Variants in GRB2 observed in about 807,000 individuals in gnomAD.
GRB2 encodes the protein growth factor receptor-bound protein 2.
GRB2 carries 2 observed loss-of-function variants against 27.4 expected under a neutral mutation model. The observed-to-expected ratio is 0.07, with a 90% CI of 0.03 to 0.23. The LOEUF is 0.23. Among genes scored for constraint, GRB2 ranks in the 10% least tolerant of loss-of-function variants. The pLI is 1.00. For missense variants in GRB2, 102 were observed against 282.4 expected (o/e 0.36, Z 4.58); for synonymous variants, 94 against 99.6 (o/e 0.94, Z 0.33).
intron 2 of GRB2, among the ~76,000 whole-genome samples, chr17:75,375,034 T>G (rs2078883182): frequency 6.6e-6 from 1 of 152,060 alleles, no homozygotes; most frequent in Non-Finnish European, 1.5e-5. Context: ...TAGCTGGGAC[T>G]GCAGATGTGT....
rs530052872 is a variant in GRB2, at chr17:75,361,483, C to T, written c.79-28686G>A. Among the ~76,000 whole-genome samples the T allele has an allele frequency of 4.6e-5, 7 of 152,274 alleles. No individual in the cohort carries two copies. In the East Asian group the frequency reaches 7.7e-4, roughly 17 times the overall value. On this transcript the variant is annotated intron_variant, in intron 2 of 5. Coordinates refer to ENST00000316804, the MANE Select transcript of GRB2 (RefSeq NM_002086.5). ...CTAAAAATGTCATCATAAATCCTAT[C>T]GTCTCCTTACCAACTAACTGCGTAA...
Position 75,399,960 on chromosome 17 carries a change from G to A in GRB2, c.-138+5529C>T, listed in dbSNP as rs1016753116. On this transcript the variant is annotated intron_variant, in intron 1 of 5. Coordinates refer to ENST00000316804, the MANE Select transcript of GRB2 (RefSeq NM_002086.5). ...GCTGGGATTACAGGCATGAGCCACCGTGCCCGGCCCTGACCGACAATTTTG... is the reference window on the plus strand; with the variant it reads ...GCTGGGATTACAGGCATGAGCCACCATGCCCGGCCCTGACCGACAATTTTG... Among the ~76,000 whole-genome samples, 10 of 151,658 alleles carry A rather than the reference G, an allele frequency of 6.6e-5. No individual in the cohort carries two copies. In the East Asian group the frequency reaches 1.6e-3, roughly 24 times the overall value.
intron 2 of GRB2, among the ~76,000 whole-genome samples, chr17:75,388,751 G>C (rs1369889505): frequency 6.6e-6 from 1 of 151,944 alleles, no homozygotes; most frequent in Non-Finnish European, 1.5e-5. Context: ...TTTTTATTTA[G>C]ATTAGGTAAT....
At chr17:75,400,530 A>G (rs1695437569) in intron 1 of GRB2, among the ~76,000 whole-genome samples, 1 of 151,888 alleles carries the variant, frequency 6.6e-6, no homozygotes, top group Admixed American at 6.6e-5. Flanking sequence ...GCTGGAATGC[A>G]GTGGTGTGAT....
chr17:75,334,407 G>T (rs2078562736), intron 2 of GRB2, among the ~76,000 whole-genome samples: 1 of 151,994 alleles, frequency 6.6e-6, no homozygotes, highest in South Asian at 2.1e-4. Flanking sequence ...TCCTGACCTT[G>T]TGATCCACCC....
At chr17:75,383,821 C>T (rs901197583) in intron 2 of GRB2, among the ~76,000 whole-genome samples, 2 of 152,168 alleles carry the variant, frequency 1.3e-5, no homozygotes, top group Admixed American at 6.5e-5. Context: ...CACTGCACTA[C>T]AGCCTGGGTG....
chr17:75,346,675 CG>C (rs973052450), intron 2 of GRB2, among the ~76,000 whole-genome samples: 46 of 150,998 alleles, frequency 3.0e-4, no homozygotes, highest in Non-Finnish European at 1.2e-4. Context: ...CTCCACCGCC[CG>C]GGTTCAAATG....
At chr17:75,322,130 T>C (rs1043130705) in intron 4 of GRB2, among the ~76,000 whole-genome samples, 1 of 152,042 alleles carries the variant, frequency 6.6e-6, no homozygotes, top group Non-Finnish European at 1.5e-5. Flanking sequence ...TCCCAACACT[T>C]TGGAGGCCGT....
Position 75,348,815 on chromosome 17 carries a change from A to T in GRB2, c.79-16018T>A, listed in dbSNP as rs141757118. Among the ~76,000 whole-genome samples, 6 of 152,288 alleles carry T rather than the reference A, an allele frequency of 3.9e-5. No individual in the cohort carries two copies. The East Asian group carries it at 1.2e-3, about 29-fold the overall frequency. ...CTCAGTCTCCTGAGTAGCTGGGACT[A>T]CAGGTGCACGCCGCCACGCCTGGAT... On this transcript the variant is annotated intron_variant, in intron 2 of 5. Coordinates refer to ENST00000316804, the MANE Select transcript of GRB2 (RefSeq NM_002086.5).
At chr17:75,387,125 C>T (rs1460202642) in intron 2 of GRB2, among the ~76,000 whole-genome samples, 1 of 151,554 alleles carries the variant, frequency 6.6e-6, no homozygotes, top group Non-Finnish European at 1.5e-5. Flanking sequence ...CCCACCACTG[C>T]ACTCCATCCA....
chr17:75,373,612 C>A (rs1211177589), intron 2 of GRB2: 1 of 152,134 alleles, frequency 6.6e-6, no homozygotes. Context: ...TTTCAACACT[C>A]ATGTCTTACT....
intron 2 of GRB2, among the ~76,000 whole-genome samples, chr17:75,356,651 C>T (rs938981553): frequency 3.9e-5 from 6 of 152,174 alleles, no homozygotes; most frequent in Admixed American, 2.6e-4. Context: ...CTTCCAAGCA[C>T]GATTCCGCTC....
intron 2 of GRB2, among the ~76,000 whole-genome samples, chr17:75,349,995 A>G (rs2078679609): frequency 6.6e-6 from 1 of 151,612 alleles, no homozygotes. Context: ...TAATGTTCAT[A>G]CCTATTAACC....
intron 1 of GRB2, among the ~76,000 whole-genome samples, chr17:75,397,227 G>A (rs1405945490): frequency 6.6e-6 from 1 of 152,148 alleles, no homozygotes; most frequent in Non-Finnish European, 1.5e-5. Context: ...GAATTCCAAA[G>A]GGTGTGTTTC....
chr17:75,390,721 C>T (rs953636199), intron 2 of GRB2, among the ~76,000 whole-genome samples: 1 of 152,092 alleles, frequency 6.6e-6, no homozygotes. Flanking sequence ...AGAGGAGTCA[C>T]CATTTTTAAC....
At chr17:75,332,110 C>T (rs775044757) in intron 3 of GRB2, among the ~76,000 whole-genome samples, 39 of 152,108 alleles carry the variant, frequency 2.6e-4, no homozygotes, top group Non-Finnish European at 5.9e-5. Context: ...CAGTGGTCTG[C>T]AGGGGCTCTC....
chr17:75,401,159 G>A (rs1307457895), intron 1 of GRB2, among the ~76,000 whole-genome samples: 1 of 151,850 alleles, frequency 6.6e-6, no homozygotes, highest in Admixed American at 6.6e-5. Flanking sequence ...TAAAAAAAAA[G>A]GCTAGGCCGG....
intron 2 of GRB2, among the ~76,000 whole-genome samples, chr17:75,383,582 G>A (rs1176433644): frequency 6.6e-6 from 1 of 152,158 alleles, no homozygotes; most frequent in Non-Finnish European, 1.5e-5. Context: ...GGTGGCTCAC[G>A]CCTGTAATCC....
chr17:75,328,962 A>AATAAATAC (rs1444154530), intron 3 of GRB2, among the ~76,000 whole-genome samples: 1 of 151,748 alleles, frequency 6.6e-6, no homozygotes, highest in Non-Finnish European at 1.5e-5. Flanking sequence ...TAAATAAATA[A>AATAAATAC]ATAAATAAAT....
Sources: allele counts gnomAD v4.1 joint callset (sites outside exome capture counted in the v4.1 genomes callset), GRCh38; gene constraint gnomAD v4.1.1; transcripts MANE v1.5; gene names NCBI Gene and HGNC (gene_info 2026-07-23, HGNC 2026-07-21).